ULK4: variants seen among roughly 807,000 people sequenced by gnomAD.
The protein encoded by ULK4 is unc-51 like kinase 4, also known as inactive serine/threonine-protein kinase ULK4.
A neutral mutation model predicts 160.6 loss-of-function variants in ULK4; 133 were observed. The observed-to-expected ratio is 0.83, with a 90% confidence interval of 0.72 to 0.96. ULK4 has a LOEUF of 0.96. Among genes scored for constraint, ULK4 ranks in the 40% least tolerant of loss-of-function variants. ULK4 has a pLI of 0.00. For synonymous variants in ULK4, 534 were observed against 539.8 expected (o/e 0.99, Z 0.15); for missense variants, 1,580 against 1,499.5 (o/e 1.05, Z -0.89).
At chr3:41,339,780 A>C (rs1249443504) in intron 35 of ULK4, among the ~76,000 whole-genome samples, 1 of 152,214 alleles carries the variant, frequency 6.6e-6, no homozygotes, top group Non-Finnish European at 1.5e-5. Flanking sequence ...TTCTAAAGAC[A>C]GCAGCTTTGC....
chr3:41,300,887 T>TA (rs2079782590), intron 35 of ULK4, among the ~76,000 whole-genome samples: 1 of 87,234 alleles, frequency 1.1e-5, no homozygotes, highest in Non-Finnish European at 2.3e-5. Flanking sequence ...ATATATATAT[T>TA]TGGTATCTTG....
At chr3:41,857,440 G>C (rs1266610025) in intron 17 of ULK4, among the ~76,000 whole-genome samples, 1 of 152,064 alleles carries the variant, frequency 6.6e-6, no homozygotes, top group Non-Finnish European at 1.5e-5. Context: ...TTGGTATCTG[G>C]GTAATACTGG....
At chr3:41,382,065 G>A (rs546144767) in intron 35 of ULK4, among the ~76,000 whole-genome samples, 8 of 152,264 alleles carry the variant, frequency 5.3e-5, no homozygotes, top group Admixed American at 1.3e-4. Context: ...TGTCATCTCA[G>A]AGAGGCCTTC....
Position 41,732,362 on chromosome 3 carries a change from C to T in ULK4, c.2322-14501G>A, listed in dbSNP as rs574139496. Among the ~76,000 whole-genome samples, 4 of 152,168 alleles carry T rather than the reference C, an allele frequency of 2.6e-5. No homozygotes were observed. The East Asian group carries it at 7.7e-4, about 29-fold the overall frequency. On this transcript the variant is annotated intron_variant, in intron 22 of 36. Coordinates refer to ENST00000301831, the MANE Select transcript of ULK4 (RefSeq NM_017886.4). ...TGGCCAACAGGTATATTTAAAAATG[C>T]TCAACAACATCACCAATCATCAGGG...
chr3:41,418,110 C>T lies in ULK4; in HGVS notation c.3493-19846G>A, dbSNP rs116333582. On this transcript the variant is annotated intron_variant, in intron 34 of 36. Transcript: ENST00000301831. ...CTTAGTCCAAGCTCCTTTGCCTTAT[C>T]GCTTTTTCACAACTATAAGTTGACC... 6.2e-3 allele frequency among the ~76,000 whole-genome samples: 939 copies of T among 152,242 alleles called. 3 individuals are homozygous for T. The highest frequency in any genetic ancestry group is 0.011 in the Non-Finnish European group (758 of 68,024).
intron 32 of ULK4, among the ~76,000 whole-genome samples, chr3:41,536,365 GACAA>G (rs74559981): frequency 0.33 from 50,442 of 151,724 alleles, 8,661 homozygotes; most frequent in African/African-American, 0.39. Context: ...ACTAGGAACT[GACAA>G]ACATTTTCTT....
At chr3:41,948,056 T>C (rs1298500281) in intron 2 of ULK4, among the ~76,000 whole-genome samples, 1 of 152,172 alleles carries the variant, frequency 6.6e-6, no homozygotes, top group East Asian at 1.9e-4. Context: ...CCCACATCCC[T>C]CTTCTCAACT....
intron 22 of ULK4, among the ~76,000 whole-genome samples, chr3:41,741,975 T>C (rs963139957): frequency 6.6e-6 from 1 of 151,826 alleles, no homozygotes; most frequent in Non-Finnish European, 1.5e-5. Context: ...AAAAAAGTGC[T>C]AAGAAAAGCC....
In ULK4 at chr3:41,909,196, G is replaced by A. The variant is rs1698686278; in HGVS notation, c.1086-1255C>T. On this transcript the variant is annotated intron_variant, in intron 11 of 36. Transcript: ENST00000301831. Reference sequence around the variant, plus strand: ...GAATAGCTTAAACAGTGTAGGTGAAGGTTGCAGTGAGCAAAGACCGCACCA... The same window carrying A: ...GAATAGCTTAAACAGTGTAGGTGAAAGTTGCAGTGAGCAAAGACCGCACCA... 2.0e-5 allele frequency among the ~76,000 whole-genome samples: 3 copies of A among 151,906 alleles called. No homozygotes were observed. The South Asian group carries it at 6.2e-4, about 32-fold the overall frequency.
At chr3:41,799,235 G>C (rs2040387721) in intron 20 of ULK4, among the ~76,000 whole-genome samples, 2 of 152,064 alleles carry the variant, frequency 1.3e-5, no homozygotes. Flanking sequence ...ACTCAAAGGG[G>C]TATTTAAATA....
At chr3:41,649,462 G>A (rs1016766856) in intron 30 of ULK4, among the ~76,000 whole-genome samples, 3 of 152,032 alleles carry the variant, frequency 2.0e-5, no homozygotes, top group African/African-American at 7.2e-5. Flanking sequence ...GAAAGCCCCT[G>A]TACCCCCTGC....
At position 41,918,487 on chromosome 3, in the gene ULK4, A is replaced by G. The variant is rs199942847; in HGVS notation, c.697T>C (p.Cys233Arg). Reference protein sequence around the residue: ...SISELTEKILCEDPLPPIPKD... With the variant: ...SISELTEKILREDPLPPIPKD... Reference sequence around the variant, plus strand: ...GGAATAGGTGGCAAAGGATCTTCACATAAGATCTTTTCAGTTAATTCTGAA... The same window carrying G: ...GGAATAGGTGGCAAAGGATCTTCACGTAAGATCTTTTCAGTTAATTCTGAA... The change falls in exon 7 of 37, where the codon TGT becomes CGT. Residue 233 changes from cysteine (C) to arginine (R), a missense_variant. By Grantham distance (180) the Cys-to-Arg change is radical (BLOSUM62 -3). Coordinates refer to ENST00000301831, the MANE Select transcript of ULK4 (RefSeq NM_017886.4). 234 of 1,586,048 alleles carry G rather than the reference A, an allele frequency of 1.5e-4. No homozygotes were observed. The South Asian group carries it at 2.1e-3, about 14-fold the overall frequency.
chr3:41,292,509 G>C (rs1315545557), intron 35 of ULK4, among the ~76,000 whole-genome samples: 1 of 152,180 alleles, frequency 6.6e-6, no homozygotes, highest in African/African-American at 2.4e-5. Flanking sequence ...AGCTGGGTGT[G>C]GTGGCAGGCA....
Position 41,754,439 on chromosome 3 carries a change from A to G in ULK4, c.2243T>C (p.Ile748Thr). ...AAGAACCAGGAAGGCTTTTGCTCTA[A>G]TGCATGTTGAGGGGCTGTCAAGTAA... Reference protein sequence around the residue: ...IRLLDSPSTCIRAKAFLVLLY... With the variant: ...IRLLDSPSTCTRAKAFLVLLY... The change falls in exon 22 of 37, where the codon ATT becomes ACT. Residue 748 changes from isoleucine to threonine, a missense_variant. Transcript: ENST00000301831. 6.2e-7 allele frequency: 1 copy of G among 1,613,888 alleles called. No individual in the cohort carries two copies. Among genetic ancestry groups the G allele is most frequent in the Non-Finnish European group, 8.5e-7 (1 of 1,179,892 alleles).
At chr3:41,961,172 A>G (rs1422636119) in intron 1 of ULK4, among the ~76,000 whole-genome samples, 2 of 152,212 alleles carry the variant, frequency 1.3e-5, no homozygotes, top group African/African-American at 4.8e-5. Flanking sequence ...TGAGGCATTT[A>G]AGAGTCGGGG....
At chr3:41,759,159 G>T (rs1166941753) in intron 21 of ULK4, among the ~76,000 whole-genome samples, 1 of 152,098 alleles carries the variant, frequency 6.6e-6, no homozygotes, top group Non-Finnish European at 1.5e-5. Flanking sequence ...CCATGATTCA[G>T]TATTTTACTG....
intron 19 of ULK4, among the ~76,000 whole-genome samples, chr3:41,802,562 G>C (rs982893091): frequency 6.6e-6 from 1 of 152,132 alleles, no homozygotes; most frequent in Non-Finnish European, 1.5e-5. Flanking sequence ...GCCTCCCAGA[G>C]TGCTGCGATT....
At chr3:41,861,617 G>A (rs1474500872) in intron 17 of ULK4, among the ~76,000 whole-genome samples, 1 of 152,020 alleles carries the variant, frequency 6.6e-6, no homozygotes, top group Non-Finnish European at 1.5e-5. Context: ...TAAATGCTTT[G>A]AGGTTGTCTT....
chr3:41,400,013 A>G (rs563287174), intron 34 of ULK4, among the ~76,000 whole-genome samples: 3 of 152,242 alleles, frequency 2.0e-5, no homozygotes, highest in African/African-American at 7.2e-5. Context: ...ATCCAATTTT[A>G]TTCTTTTGCA....
Sources: gnomAD v4.1 joint callset for allele counts (sites outside exome capture counted in the v4.1 genomes callset) on GRCh38, gnomAD v4.1.1 for gene constraint, MANE v1.5 for transcripts, NCBI Gene and HGNC (gene_info 2026-07-23, HGNC 2026-07-21) for gene names.